KIF21A: variants seen among roughly 807,000 people sequenced by gnomAD.
KIF21A encodes the protein kinesin-like protein KIF21A.
Under a neutral mutation model 202.9 loss-of-function variants are expected in KIF21A, and 114 were observed. The ratio of observed to expected loss-of-function variants is 0.56; its 90% CI spans 0.48 to 0.66. The LOEUF (loss-of-function observed/expected upper bound fraction) is 0.66. Ranked by LOEUF, KIF21A falls within the 30% of genes least tolerant of loss-of-function variation. KIF21A has a pLI of 0.00. For missense variants in KIF21A, 1,677 were observed against 1,994.9 expected (o/e 0.84, Z 3.04); for synonymous variants, 667 against 670.8 (o/e 0.99, Z 0.09).
chr12:39,357,568 G>A, intron 8 of KIF21A, 131 bp from the exon 9 acceptor site: 1 of 754,852 alleles, frequency 1.3e-6, no homozygotes, highest in Non-Finnish European at 2.3e-6. Context: ...CAAGGCAAAA[G>A]AAATCCTTTC....
Position 39,295,778 on chromosome 12 carries a change from C to CGCA in KIF21A, c.4932-1264_4932-1262dup, listed in dbSNP as rs1167178530. Among the ~76,000 whole-genome samples the CGCA allele has an allele frequency of 3.6e-5, 5 of 140,800 alleles. 1 individual carries two copies. Among genetic ancestry groups the CGCA allele is most frequent in the Non-Finnish European group, 7.5e-5 (5 of 66,238 alleles). The allele number at this position is 140,800 out of a possible 152,430, so 92.4% of individuals were successfully genotyped here. A position where few individuals can be genotyped will look rare whatever the true frequency, so the allele number is the denominator to read the frequency against. On this transcript the variant is annotated intron_variant, in intron 37 of 37. Transcript: ENST00000361418. Reference sequence around the variant, plus strand: ...CAGTGGCGCGATCTCGGCTCCTCTGCGCAAACTCTGCCTCCCAGGTTCAAG... The same window carrying CGCA: ...CAGTGGCGCGATCTCGGCTCCTCTGCGCAGCAAACTCTGCCTCCCAGGTTCAAG...
intron 4 of KIF21A, 33 bp from the exon 5 acceptor site, chr12:39,367,197 G>A: frequency 6.2e-7 from 1 of 1,612,076 alleles, no homozygotes; most frequent in African/African-American, 1.3e-5. Context: ...GACTTTACTT[G>A]AACAATAAAC....
At chr12:39,311,339 T>G in intron 32 of KIF21A, 78 bp downstream of exon 32, 1 of 1,339,112 alleles carries the variant, frequency 7.5e-7, no homozygotes, top group Non-Finnish European at 1.0e-6. Context: ...AGTTTGACAG[T>G]TTTCTAGAAT....
chr12:39,435,273 A>T (rs924665611), intron 1 of KIF21A, among the ~76,000 whole-genome samples: 4 of 152,218 alleles, frequency 2.6e-5, no homozygotes, highest in African/African-American at 4.8e-5. Context: ...TACTTGTCTC[A>T]AGTCAATAAT....
intron 16 of KIF21A, 175 bp from the exon 17 acceptor site, chr12:39,337,378 T>C (rs546368590): frequency 3.4e-6 from 2 of 590,674 alleles, no homozygotes; most frequent in Admixed American, 3.0e-5. Flanking sequence ...TATATTTCTA[T>C]TTCTAATACA....
In KIF21A at chr12:39,337,415, T is replaced by C. The variant is rs760863021; in HGVS notation, c.2311-212A>G. The stretch of plus-strand genomic sequence containing the variant: ...TTTTATTAAATTGCTTAGTATTCTA[T>C]GCTTTTTGTATTCAATATTCAGTTG... On this transcript the variant is annotated intron_variant, in intron 16 of 37. Transcript: ENST00000361418. 5.2e-4 allele frequency: 277 copies of C among 529,860 alleles called. 1 individual carries two copies. Among genetic ancestry groups the C allele is most frequent in the Middle Eastern group, 3.1e-3 (6 of 1,918 alleles). 32.8% of individuals were successfully genotyped at this position (529,860 alleles called of 1,614,324 possible).
At chr12:39,361,834 G>A (rs1024075458) in intron 7 of KIF21A, among the ~76,000 whole-genome samples, 3 of 151,864 alleles carry the variant, frequency 2.0e-5, no homozygotes, top group Non-Finnish European at 4.4e-5. Context: ...TAAACCAAAC[G>A]GATTATAAAC....
At chr12:39,386,400 T>C (rs1383564217) in intron 1 of KIF21A, among the ~76,000 whole-genome samples, 1 of 152,222 alleles carries the variant, frequency 6.6e-6, no homozygotes, top group Non-Finnish European at 1.5e-5. Context: ...GGACTGCTTA[T>C]AGTCTGGTTG....
Position 39,337,137 on chromosome 12 carries a change from T to C in KIF21A, c.2377A>G (p.Arg793Gly), listed in dbSNP as rs1947049086. 3 of 1,612,268 alleles carry C rather than the reference T, an allele frequency of 1.9e-6. No individual in the cohort carries two copies. Among genetic ancestry groups the C allele is most frequent in the Admixed American group, 1.7e-5 (1 of 59,982 alleles). ...KARLTESRRN[R>G]EIAQLKKDQR... ...TCCTTTTTCAACTGAGCAATCTCTCTGTTTCTTCTAGACTCAGTCAGTCTG... is the reference window on the plus strand; with the variant it reads ...TCCTTTTTCAACTGAGCAATCTCTCCGTTTCTTCTAGACTCAGTCAGTCTG... Residue 793 changes from arginine to glycine, a missense_variant, in exon 17 of 38, where the codon AGA (arginine) becomes GGA (glycine). By Grantham distance (125) the Arg-to-Gly change is moderately radical. This residue lies in a region of KIF21A where 966 missense variants were observed against 1,180.9 expected (regional missense o/e 0.82). Coordinates refer to ENST00000361418, the MANE Select transcript of KIF21A (RefSeq NM_001173464.2).
chr12:39,392,686 T>C (rs368625342), intron 1 of KIF21A, among the ~76,000 whole-genome samples: 3 of 151,478 alleles, frequency 2.0e-5, no homozygotes, highest in East Asian at 3.9e-4. Context: ...GTTGGTGCTC[T>C]TGTTGGTTGA....
At chr12:39,437,869 T>C (rs959744696) in intron 1 of KIF21A, among the ~76,000 whole-genome samples, 1 of 152,212 alleles carries the variant, frequency 6.6e-6, no homozygotes, top group African/African-American at 2.4e-5. Flanking sequence ...ATAAAATAAA[T>C]GTTTCTCAGA....
chr12:39,360,516 A>G (rs1361989172), intron 7 of KIF21A, among the ~76,000 whole-genome samples: 1 of 151,944 alleles, frequency 6.6e-6, no homozygotes, highest in African/African-American at 2.4e-5. Context: ...CAGCCTCCCA[A>G]GTAGCTGTGA....
At chr12:39,425,298 C>G (rs1031140215) in intron 1 of KIF21A, among the ~76,000 whole-genome samples, 1 of 152,200 alleles carries the variant, frequency 6.6e-6, no homozygotes, top group Non-Finnish European at 1.5e-5. Flanking sequence ...AATTAAAGCT[C>G]TTGTCTTGCT....
chr12:39,340,165 C>T lies in KIF21A; in HGVS notation c.2310G>A (p.Lys770=). 1 of 1,608,976 alleles carries T rather than the reference C, an allele frequency of 6.2e-7. No homozygotes were observed. The highest frequency in any genetic ancestry group is 8.5e-7 in the Non-Finnish European group (1 of 1,176,362). ...QQDVMEMKKT[K]VRLMKQMKEE... ...GTTAATGGAAAAAAATAATCAATAC[C>T]TTTGTTTTTTTCATTTCCATCACAT... Residue 770 remains lysine, a splice_region_variant and synonymous_variant, in exon 16 of 38, where the codon AAG becomes AAA. Transcript: ENST00000361418.
At chr12:39,302,876 A>C in intron 36 of KIF21A, 89 bp downstream of exon 36, 1 of 1,121,476 alleles carries the variant, frequency 8.9e-7, no homozygotes, top group Non-Finnish European at 1.4e-6. Context: ...AAATGATAAA[A>C]ATCTACATAG....
rs1417821867 is a variant in KIF21A, at chr12:39,442,738, C to A, written c.44+189G>T. 6.6e-6 allele frequency among the ~76,000 whole-genome samples: 1 copy of A among 152,144 alleles called. No individual in the cohort carries two copies. The highest frequency in any genetic ancestry group is 1.9e-4 in the East Asian group (1 of 5,182). On this transcript the variant is annotated intron_variant, in intron 1 of 37. Coordinates refer to ENST00000361418, the MANE Select transcript of KIF21A (RefSeq NM_001173464.2). This position sits in a 1 kb window ranked among gnomAD's most constrained non-coding sequence, Gnocchi z 5.0. Reference sequence around the variant, plus strand: ...GACGGCGTGAGGGCGGCGCAGTCGCCCTGCCAGCACCCGGCCGCGCGTGCC... The same window carrying A: ...GACGGCGTGAGGGCGGCGCAGTCGCACTGCCAGCACCCGGCCGCGCGTGCC...
chr12:39,341,978 C>T (rs1180131176), intron 13 of KIF21A, 56 bp downstream of exon 13: 1 of 1,220,376 alleles, frequency 8.2e-7, no homozygotes, highest in Non-Finnish European at 1.2e-6. Context: ...TTATCATCAA[C>T]CAAGAACAAC....
At chr12:39,391,054 T>A (rs927155833) in intron 1 of KIF21A, among the ~76,000 whole-genome samples, 8 of 152,184 alleles carry the variant, frequency 5.3e-5, no homozygotes, top group African/African-American at 1.9e-4. Context: ...TAATTGAGTG[T>A]AATTATTATA....
chr12:39,375,674 A>C (rs2139306453), intron 1 of KIF21A, among the ~76,000 whole-genome samples: 1 of 152,204 alleles, frequency 6.6e-6, no homozygotes. Context: ...TTGTACCACA[A>C]GTAATAAAAG....
Sources: allele counts gnomAD v4.1 joint callset (sites outside exome capture counted in the v4.1 genomes callset), GRCh38; gene constraint gnomAD v4.1.1; regional missense constraint gnomAD v4.1.1; non-coding constraint Gnocchi (gnomAD v3.1); transcripts MANE v1.5; gene names NCBI Gene and HGNC (gene_info 2026-07-23, HGNC 2026-07-21).